Variants in GPHN observed in about 807,000 individuals in gnomAD.
GPHN encodes the protein gephyrin.
GPHN carries 17 observed loss-of-function variants against 95.5 expected under a neutral mutation model. The observed-to-expected ratio is 0.18, with a 90% CI of 0.12 to 0.27. The LOEUF (loss-of-function observed/expected upper bound fraction) is 0.27. Among genes scored for constraint, GPHN ranks in the 10% least tolerant of loss-of-function variants. The pLI is 1.00. For missense variants in GPHN, 660 were observed against 978.1 expected (o/e 0.67, Z 4.34); for synonymous variants, 320 against 322.5 (o/e 0.99, Z 0.08).
the GPHN span, among the ~76,000 whole-genome samples, chr14:67,654,506 G>C: frequency 6.6e-6 from 1 of 152,238 alleles, no homozygotes; most frequent in African/African-American, 2.4e-5. Context: ...CTGTAAGCAA[G>C]TTACATTCTC....
chr14:67,672,004 CAT>C, the GPHN span, among the ~76,000 whole-genome samples: 1 of 152,152 alleles, frequency 6.6e-6, no homozygotes, highest in Non-Finnish European at 1.5e-5. Flanking sequence ...ACATTCAAAC[CAT>C]AGTAATAATG....
chr14:66,521,350 C>T (rs1366392937), intron 1 of GPHN, among the ~76,000 whole-genome samples: 1 of 151,948 alleles, frequency 6.6e-6, no homozygotes, highest in Non-Finnish European at 1.5e-5. Flanking sequence ...GTCATTGTAA[C>T]CAGGAGGTTG....
intron 8 of GPHN, among the ~76,000 whole-genome samples, chr14:66,925,546 C>T (rs1217041339): frequency 2.0e-5 from 3 of 152,098 alleles, no homozygotes; most frequent in Admixed American, 6.6e-5. Flanking sequence ...CTTTTTGTGC[C>T]TGGCTTATTT....
intron 9 of GPHN, among the ~76,000 whole-genome samples, chr14:66,971,382 A>G (rs2153591806): frequency 6.6e-6 from 1 of 152,346 alleles, no homozygotes; most frequent in Admixed American, 6.5e-5. Context: ...AACATATTTT[A>G]TGAAAAAATA....
the GPHN span, chr14:67,585,585 C>T: frequency 2.5e-6 from 4 of 1,582,758 alleles, no homozygotes; most frequent in Admixed American, 7.1e-5. Flanking sequence ...AGCTGTCTTC[C>T]AAGGAGAACG....
chr14:67,567,452 G>A, the GPHN span, among the ~76,000 whole-genome samples: 1 of 152,148 alleles, frequency 6.6e-6, no homozygotes, highest in African/African-American at 2.4e-5. Flanking sequence ...CAAAGTTAGA[G>A]GCTTGTCCTT....
rs2081472555 is a variant in GPHN at position 67,154,574 on chromosome 14, G to A, written c.1837-4841G>A. Among the ~76,000 whole-genome samples, 2 of 152,018 alleles carry A rather than the reference G, an allele frequency of 1.3e-5. 1 individual carries two copies. Among genetic ancestry groups the A allele is most frequent in the Admixed American group, 1.3e-4 (2 of 15,264 alleles). On this transcript the variant is annotated intron_variant, in intron 18 of 22. Transcript: ENST00000478722. Reference sequence around the variant, plus strand: ...GCACTAACAAATGAATGAGTGAAAGGTGTATGCTATTCATTAAGGATTCAT... The same window carrying A: ...GCACTAACAAATGAATGAGTGAAAGATGTATGCTATTCATTAAGGATTCAT...
At chr14:67,503,482 A>G in the GPHN span, 4 of 152,138 alleles carry the variant, frequency 2.6e-5, no homozygotes, top group African/African-American at 4.8e-5. Context: ...AAGGACGTCA[A>G]TTACCTCCTA....
At chr14:66,821,826 G>A (rs981572338) in intron 3 of GPHN, among the ~76,000 whole-genome samples, 3 of 152,156 alleles carry the variant, frequency 2.0e-5, no homozygotes, top group Non-Finnish European at 2.9e-5. Flanking sequence ...TGCTTGAATA[G>A]ATTCTTAATT....
At chr14:66,676,520 TG>T (rs1254272923) in intron 1 of GPHN, among the ~76,000 whole-genome samples, 2 of 152,122 alleles carry the variant, frequency 1.3e-5, no homozygotes, top group Admixed American at 6.5e-5. Context: ...TGAAGGGAGT[TG>T]AATTTTATCA....
At chr14:67,655,513 T>G in the GPHN span, among the ~76,000 whole-genome samples, 1 of 151,950 alleles carries the variant, frequency 6.6e-6, no homozygotes, top group Non-Finnish European at 1.5e-5. Flanking sequence ...CCTTAGACAT[T>G]TTTTTCCCTA....
intron 5 of GPHN, among the ~76,000 whole-genome samples, chr14:66,883,234 G>A (rs1269010408): frequency 6.6e-6 from 1 of 151,582 alleles, no homozygotes; most frequent in East Asian, 1.9e-4. Context: ...ATTAATTTTA[G>A]GTTATTTCTA....
Position 66,822,109 on chromosome 14 carries a change from G to A in GPHN, c.202-2365G>A, listed in dbSNP as rs571738937. On this transcript the variant is annotated intron_variant, in intron 3 of 22. Transcript: ENST00000478722. ...TGGGATTAGAGGCACCCACCACCGT[G>A]CCCGGCCAATTTTTGTATTTTTAGT... Among the ~76,000 whole-genome samples the A allele has an allele frequency of 1.8e-4, 28 of 152,130 alleles. 1 individual carries two copies. The highest frequency in any genetic ancestry group is 1.7e-3 in the Admixed American group (26 of 15,286).
At chr14:67,694,010 A>G in the GPHN span, among the ~76,000 whole-genome samples, 1 of 152,242 alleles carries the variant, frequency 6.6e-6, no homozygotes, top group African/African-American at 2.4e-5. Flanking sequence ...TGAATGCACA[A>G]ACACAGATTG....
At chr14:66,623,473 C>T (rs1471329944) in intron 1 of GPHN, among the ~76,000 whole-genome samples, 1 of 152,038 alleles carries the variant, frequency 6.6e-6, no homozygotes, top group Non-Finnish European at 1.5e-5. Flanking sequence ...CAAAAATTGG[C>T]TGGGTGTGGT....
At chr14:67,448,122 T>C in the GPHN span, among the ~76,000 whole-genome samples, 5 of 41,840 alleles carry the variant, frequency 1.2e-4, no homozygotes, top group African/African-American at 8.9e-4. Flanking sequence ...AGCCCATTCT[T>C]TTTTTTTTTT....
chr14:67,326,277 G>A, the GPHN span, among the ~76,000 whole-genome samples: 1 of 57,884 alleles, frequency 1.7e-5, no homozygotes, highest in Non-Finnish European at 3.3e-5. Context: ...GATTCTATAT[G>A]TCACCCAGAC....
chr14:67,164,809 A>C (rs2082180441), intron 19 of GPHN, among the ~76,000 whole-genome samples: 1 of 152,062 alleles, frequency 6.6e-6, no homozygotes, highest in African/African-American at 2.4e-5. Context: ...TGCTTTTAAG[A>C]ATGATTGTTG....
At chr14:67,059,695 A>AT (rs2075747120) in intron 11 of GPHN, among the ~76,000 whole-genome samples, 1 of 152,218 alleles carries the variant, frequency 6.6e-6, no homozygotes, top group Non-Finnish European at 1.5e-5. Context: ...CCATTAAATT[A>AT]TAAAAAATAA....
Sources: gnomAD v4.1 joint callset for allele counts (sites outside exome capture counted in the v4.1 genomes callset) on GRCh38, gnomAD v4.1.1 for gene constraint, MANE v1.5 for transcripts, NCBI Gene and HGNC (gene_info 2026-07-23, HGNC 2026-07-21) for gene names.